CTNND2: variants seen among roughly 807,000 people sequenced by gnomAD.
CTNND2 encodes the protein catenin delta 2, also known as catenin delta-2.
Under a neutral mutation model 144.4 loss-of-function variants are expected in CTNND2, and 22 were observed. That is an observed-to-expected ratio of 0.15 (90% CI 0.11 to 0.22). CTNND2 has a LOEUF of 0.22. CTNND2 is among the 10% of genes least tolerant of loss of function. The pLI is 1.00. For missense variants in CTNND2, 1,353 were observed against 1,618.8 expected, an observed-to-expected ratio of 0.84 and a Z score of 2.82; for synonymous variants, 751 against 695.6, an observed-to-expected ratio of 1.08 and a Z score of -1.25.
chr5:11,631,143 T>A (rs1318890838), intron 2 of CTNND2, among the ~76,000 whole-genome samples: 2 of 152,134 alleles, frequency 1.3e-5, no homozygotes, highest in Non-Finnish European at 2.9e-5. Context: ...GCTTTTCCTA[T>A]CTTGCTGTCA....
At chr5:11,394,994 G>A (rs1759956707) in intron 6 of CTNND2, among the ~76,000 whole-genome samples, 1 of 152,100 alleles carries the variant, frequency 6.6e-6, no homozygotes, top group Non-Finnish European at 1.5e-5. Context: ...ATTATATTAG[G>A]CCTTGTGGCA....
At chr5:11,001,896 T>C (rs1407580416) in intron 18 of CTNND2, among the ~76,000 whole-genome samples, 1 of 152,200 alleles carries the variant, frequency 6.6e-6, no homozygotes, top group Non-Finnish European at 1.5e-5. Context: ...GAAAATAATT[T>C]TGAAGCATCA....
chr5:11,204,594 T>G (rs1363927811), intron 10 of CTNND2, among the ~76,000 whole-genome samples: 1 of 152,232 alleles, frequency 6.6e-6, no homozygotes, highest in Non-Finnish European at 1.5e-5. Context: ...TAACATAATC[T>G]GCATATATTG....
At chr5:11,175,927 C>T (rs1056201599) in intron 11 of CTNND2, among the ~76,000 whole-genome samples, 4 of 152,336 alleles carry the variant, frequency 2.6e-5, no homozygotes, top group African/African-American at 9.6e-5. Flanking sequence ...TACTAGCAGA[C>T]ATGGCATCTC....
intron 2 of CTNND2, among the ~76,000 whole-genome samples, chr5:11,692,156 T>C (rs10075552): frequency 0.13 from 20,417 of 152,200 alleles, 4,494 homozygotes; most frequent in African/African-American, 0.46. Context: ...GCACATTTAA[T>C]ACTTTGAAAG....
At chr5:11,063,585 T>G (rs997689822) in intron 16 of CTNND2, among the ~76,000 whole-genome samples, 1 of 152,282 alleles carries the variant, frequency 6.6e-6, no homozygotes, top group Admixed American at 6.5e-5. Flanking sequence ...AGAAAGCTTA[T>G]ATGTTTGAGG....
chr5:11,181,986 TGTA>T (rs1295967230), intron 11 of CTNND2, among the ~76,000 whole-genome samples: 6 of 135,972 alleles, frequency 4.4e-5, no homozygotes, highest in Non-Finnish European at 6.3e-5. Flanking sequence ...GTGGTGTGTG[TGTA>T]GTATGTGTGT....
At chr5:11,225,711 C>T (rs866915906) in intron 10 of CTNND2, among the ~76,000 whole-genome samples, 12 of 152,278 alleles carry the variant, frequency 7.9e-5, no homozygotes, top group African/African-American at 2.6e-4. Context: ...ACCTCCTACC[C>T]CTCGCCACCT....
intron 1 of CTNND2, among the ~76,000 whole-genome samples, chr5:11,768,811 C>T (rs1789748567): frequency 6.6e-6 from 1 of 152,174 alleles, no homozygotes; most frequent in Non-Finnish European, 1.5e-5. Flanking sequence ...GGTCCTGATG[C>T]CCAGTGTCTT....
At chr5:11,520,071 C>T (rs954215060) in intron 3 of CTNND2, among the ~76,000 whole-genome samples, 1 of 149,174 alleles carries the variant, frequency 6.7e-6, no homozygotes, top group African/African-American at 2.5e-5. Flanking sequence ...CACTCGAACC[C>T]AGGAGGAAGA....
At chr5:11,294,505 TATG>T (rs1261474541) in intron 9 of CTNND2, among the ~76,000 whole-genome samples, 2 of 152,150 alleles carry the variant, frequency 1.3e-5, no homozygotes, top group Non-Finnish European at 2.9e-5. Flanking sequence ...CAATAACAAA[TATG>T]ATAAAGTTCA....
At chr5:11,048,838 G>A (rs1214948273) in intron 16 of CTNND2, among the ~76,000 whole-genome samples, 1 of 152,194 alleles carries the variant, frequency 6.6e-6, no homozygotes, top group Non-Finnish European at 1.5e-5. Context: ...CTTGAGAGAC[G>A]TCTGTACAAG....
At chr5:11,039,160 A>C (rs1413084556) in intron 16 of CTNND2, among the ~76,000 whole-genome samples, 2 of 152,198 alleles carry the variant, frequency 1.3e-5, no homozygotes, top group Non-Finnish European at 2.9e-5. Flanking sequence ...TCTTTGACCC[A>C]TTTCCTAACA....
At chr5:11,546,036 G>A (rs1248031008) in intron 3 of CTNND2, among the ~76,000 whole-genome samples, 1 of 152,088 alleles carries the variant, frequency 6.6e-6, no homozygotes, top group African/African-American at 2.4e-5. Context: ...TTGAAAACAT[G>A]ATGCTAAGTG....
At chr5:11,128,599 G>C (rs557189705) in intron 12 of CTNND2, among the ~76,000 whole-genome samples, 1 of 147,478 alleles carries the variant, frequency 6.8e-6, no homozygotes, top group Non-Finnish European at 1.5e-5. Context: ...CACCGTCTCC[G>C]ATGCCTCATG....
At chr5:11,535,306 A>G (rs1774113689) in intron 3 of CTNND2, among the ~76,000 whole-genome samples, 1 of 152,168 alleles carries the variant, frequency 6.6e-6, no homozygotes, top group African/African-American at 2.4e-5. Context: ...TACTGCCTCC[A>G]GTTCTTGTCA....
At chr5:11,775,137 T>A (rs1413415840) in intron 1 of CTNND2, among the ~76,000 whole-genome samples, 1 of 152,168 alleles carries the variant, frequency 6.6e-6, no homozygotes, top group Non-Finnish European at 1.5e-5. Flanking sequence ...TTTTACCACA[T>A]TACCTTTTAG....
chr5:11,656,259 C>T (rs1782907091), intron 2 of CTNND2, among the ~76,000 whole-genome samples: 1 of 151,906 alleles, frequency 6.6e-6, no homozygotes, highest in African/African-American at 2.4e-5. Flanking sequence ...GGTTTTATGT[C>T]TCTCCTCTTT....
intron 13 of CTNND2, among the ~76,000 whole-genome samples, chr5:11,114,131 T>G (rs761531123): frequency 2.0e-5 from 3 of 152,164 alleles, no homozygotes; most frequent in Non-Finnish European, 4.4e-5. Context: ...AAGGAAAATG[T>G]TATGGCATAA....
Sources: gnomAD v4.1 joint callset for allele counts (sites outside exome capture counted in the v4.1 genomes callset) on GRCh38, gnomAD v4.1.1 for gene constraint, MANE v1.5 for transcripts, NCBI Gene and HGNC (gene_info 2026-07-23, HGNC 2026-07-21) for gene names.